The following FUS variants were observed in gnomAD, a reference collection of about 807,000 sequenced individuals.
FUS encodes FUS RNA binding protein, also known as RNA-binding protein FUS.
In FUS, 5 loss-of-function variants were observed where a neutral mutation model predicts 82.7. The ratio of observed to expected loss-of-function variants is 0.06; its 90% confidence interval spans 0.03 to 0.13. FUS has a LOEUF of 0.13. Among genes scored for constraint, FUS ranks in the 10% least tolerant of loss-of-function variants. The pLI is 1.00. For synonymous variants in FUS, 281 were observed against 247.4 expected, an observed-to-expected ratio of 1.14 and a Z score of -1.27; for missense variants, 512 against 707.8, an observed-to-expected ratio of 0.72 and a Z score of 3.14.
chr16:31,191,492 C>G lies in FUS; in HGVS notation c.*54C>G, dbSNP rs746127106. 6.3e-7 allele frequency: 1 copy of G among 1,588,298 alleles called. No homozygotes were observed. Among genetic ancestry groups the G allele is most frequent in the Non-Finnish European group, 8.6e-7 (1 of 1,157,212 alleles). On this transcript the variant is annotated 3_prime_UTR_variant, in exon 15 of 15. Coordinates refer to ENST00000254108, the MANE Select transcript of FUS (RefSeq NM_004960.4). ...GCTTTTTGTCCTGTACCCAGTGTTACCCTCGTTATTTTGTAACCTTCCAAT... is the reference window on the plus strand; with the variant it reads ...GCTTTTTGTCCTGTACCCAGTGTTAGCCTCGTTATTTTGTAACCTTCCAAT...
downstream of FUS, chr16:31,194,324 T>A (rs1451143085): frequency 7.7e-6 from 4 of 521,054 alleles, no homozygotes; most frequent in Non-Finnish European, 1.1e-5. Context: ...ACGGTCTCAC[T>A]CTCACCCAGG....
intron 12 of FUS, 142 bp downstream of exon 12, chr16:31,190,540 G>A: frequency 3.7e-6 from 5 of 1,353,972 alleles, no homozygotes; most frequent in Non-Finnish European, 4.2e-6. Flanking sequence ...AGCTTACCTA[G>A]GTAAGGTTGA....
At chr16:31,183,393 G>A (rs548801119) in intron 3 of FUS, 1 of 174,698 alleles carries the variant, frequency 5.7e-6, no homozygotes, top group East Asian at 1.4e-4. Flanking sequence ...ATGAAAGAGA[G>A]CATATTTTCT....
At chr16:31,194,459 A>G (rs78368537), downstream of FUS, 5 of 503,808 alleles carry the variant, frequency 9.9e-6, no homozygotes, top group Non-Finnish European at 1.6e-5. Flanking sequence ...ATGACTGGCT[A>G]ATTTTTTTTT....
downstream of FUS, chr16:31,194,246 AC>A: frequency 1.9e-6 from 1 of 531,028 alleles, no homozygotes; most frequent in Non-Finnish European, 3.6e-6. Context: ...GACTTGACTC[AC>A]TGATCTACCT....
At chr16:31,183,823 T>G in intron 3 of FUS, 35 bp from the exon 4 acceptor site, 1 of 1,614,056 alleles carries the variant, frequency 6.2e-7, no homozygotes, top group Non-Finnish European at 8.5e-7. Flanking sequence ...TCTTTCCTGG[T>G]GGCTTTTGTG....
rs565540429 is a variant in FUS, at chr16:31,191,570, C to G, written c.*132C>G. ...TCGGACTATGTAATTGTAACTATACCTCTGGTTCCCATTAAAAGTGACCAT... is the reference window on the plus strand; with the variant it reads ...TCGGACTATGTAATTGTAACTATACGTCTGGTTCCCATTAAAAGTGACCAT... On this transcript the variant is annotated 3_prime_UTR_variant, in exon 15 of 15. Transcript: ENST00000254108. The G allele has an allele frequency of 2.1e-6, 2 of 962,406 alleles. No individual in the cohort carries two copies. Among genetic ancestry groups the G allele is most frequent in the Non-Finnish European group, 3.3e-6 (2 of 605,120 alleles). The allele number at this position is 962,406 out of a possible 1,614,324, so 59.6% of individuals were successfully genotyped here. A position where few individuals can be genotyped will look rare whatever the true frequency, so the allele number is the denominator to read the frequency against.
Position 31,191,593 on chromosome 16 carries a change from C to G in FUS, c.*155C>G, listed in dbSNP as rs1386739439. The G allele has an allele frequency of 2.4e-6, 2 of 844,496 alleles. No individual in the cohort carries two copies. The highest frequency in any genetic ancestry group is 4.0e-6 in the Non-Finnish European group (2 of 505,006). The allele number at this position is 844,496 out of a possible 1,614,324, so 52.3% of individuals were successfully genotyped here. A position where few individuals can be genotyped will look rare whatever the true frequency, so the allele number is the denominator to read the frequency against. ...ACCTCTGGTTCCCATTAAAAGTGAC[C>G]ATTTTAGTTAAATTTTGTTCCTCTT... On this transcript the variant is annotated 3_prime_UTR_variant, in exon 15 of 15. Transcript: ENST00000254108.
downstream of FUS, chr16:31,194,338 G>C (rs949995446): frequency 1.9e-6 from 1 of 522,822 alleles, no homozygotes; most frequent in Admixed American, 2.2e-5. Flanking sequence ...ACCCAGGCTG[G>C]ATTGCAGTGG....
chr16:31,190,296 A>C lies in FUS; in HGVS notation c.1190A>C (p.Tyr397Ser). Residue 397 changes from tyrosine (Y) to serine (S), a missense_variant, in exon 12 of 15, where the codon TAT becomes TCT. This residue lies in a region of FUS where 63 missense variants were observed against 83.0 expected (regional missense o/e 0.76). Coordinates refer to ENST00000254108, the MANE Select transcript of FUS (RefSeq NM_004960.4). ...GRGGPMGRGG[Y>S]GGGGSGGGGR... ...TTAGGACCCATGGGCCGTGGAGGCT[A>C]TGGAGGTGGTGGCAGTGGTGGTGGT... 6.2e-7 allele frequency: 1 copy of C among 1,614,070 alleles called. No individual in the cohort carries two copies. Among genetic ancestry groups the C allele is most frequent in the Non-Finnish European group, 8.5e-7 (1 of 1,179,980 alleles).
In FUS at chr16:31,184,364, G is replaced by C; in HGVS notation, c.491G>C (p.Ser164Thr). ...GYGQQNQYNS[S>T]SGGGGGGGGG... ...GGACAGCAGAACCAGTACAACAGCA[G>C]CAGTGGTGGTGGAGGTGGAGGTGGA... is the stretch of plus-strand genomic sequence containing the variant. The change falls in exon 5 of 15, where the codon AGC becomes ACC. Residue 164 changes from serine to threonine, a missense_variant. By Grantham distance (58) the Ser-to-Thr change is moderately conservative. Around this residue, in one of 6 missense-constraint regions of FUS, gnomAD observed 276 missense variants for 303.3 expected, o/e 0.91. Coordinates refer to ENST00000254108, the MANE Select transcript of FUS (RefSeq NM_004960.4). The C allele has an allele frequency of 6.2e-7, 1 of 1,614,010 alleles. No homozygotes were observed. Among genetic ancestry groups the C allele is most frequent in the Non-Finnish European group, 8.5e-7 (1 of 1,180,016 alleles).
chr16:31,190,174 T>G (rs2079332175), intron 11 of FUS, 33 bp downstream of exon 11: 6 of 1,612,840 alleles, frequency 3.7e-6, no homozygotes, highest in Non-Finnish European at 5.1e-6. Flanking sequence ...TGCAGAGGGG[T>G]AATGGGGAGA....
chr16:31,190,355 G>A lies in FUS; in HGVS notation c.1249G>A (p.Gly417Ser), dbSNP rs768259829. 13 of 1,614,056 alleles carry A rather than the reference G, an allele frequency of 8.1e-6. No individual in the cohort carries two copies. The highest frequency in any genetic ancestry group is 1.6e-4 in the Middle Eastern group (1 of 6,082). Residue 417 changes from glycine to serine, a missense_variant, in exon 12 of 15, where the codon GGT becomes AGT. Gly to Ser is a moderately conservative substitution (Grantham distance 56, BLOSUM62 0). Transcript: ENST00000254108. The part of the protein sequence containing the change: ...RGGFPSGGGG[G>S]GGQQRAGDWK... ...AGGATTTCCCAGTGGAGGTGGTGGC[G>A]GTGGAGGACAGCAGCGAGCTGGTGA...
intron 5 of FUS, 106 bp from the exon 6 acceptor site, chr16:31,184,833 C>T (rs956909994): frequency 8.7e-7 from 1 of 1,146,446 alleles, no homozygotes; most frequent in Non-Finnish European, 1.3e-6. Flanking sequence ...TTTTTACTTT[C>T]TTTTGTCCTT....
At chr16:31,193,156 G>C, downstream of FUS, 1 of 486,890 alleles carries the variant, frequency 2.1e-6, no homozygotes. Flanking sequence ...TGGTCAGGCT[G>C]GTCTCGAACT....
downstream of FUS, chr16:31,193,149 T>C (rs1249956140): frequency 6.2e-6 from 3 of 485,260 alleles, no homozygotes; most frequent in Non-Finnish European, 1.2e-5. Context: ...TCCATGTTGG[T>C]CAGGCTGGTC....
chr16:31,180,593 C>T (rs1375298304), intron 1 of FUS, among the ~76,000 whole-genome samples: 1 of 152,242 alleles, frequency 6.6e-6, no homozygotes, highest in African/African-American at 2.4e-5. Flanking sequence ...AGTGCTGCAT[C>T]CGGGCACTCG....
downstream of FUS, chr16:31,192,643 C>G (rs2079376949): frequency 4.1e-6 from 2 of 484,250 alleles, no homozygotes; most frequent in Admixed American, 2.3e-5. Context: ...TCACTGTAGC[C>G]TCTGCCTCCT....
downstream of FUS, chr16:31,193,968 A>G: frequency 1.9e-6 from 1 of 532,332 alleles, no homozygotes; most frequent in Non-Finnish European, 3.6e-6. Flanking sequence ...TTCTTACTGA[A>G]TGATTGAAAT....
Sources: gnomAD v4.1 joint callset for allele counts (sites outside exome capture counted in the v4.1 genomes callset) on GRCh38, gnomAD v4.1.1 for gene constraint, gnomAD v4.1.1 regional missense constraint, MANE v1.5 for transcripts, NCBI Gene and HGNC (gene_info 2026-07-23, HGNC 2026-07-21) for gene names.